The following DGKG variants were observed in gnomAD, a reference collection of about 807,000 sequenced individuals.
DGKG encodes diacylglycerol kinase gamma, also known as DAG kinase gamma.
Under a neutral mutation model 105.3 loss-of-function variants are expected in DGKG, and 78 were observed. The observed-to-expected ratio is 0.74, with a 90% CI of 0.62 to 0.89. The LOEUF (loss-of-function observed/expected upper bound fraction) is 0.89. Among genes scored for constraint, DGKG ranks in the 40% least tolerant of loss-of-function variants. DGKG has a pLI of 0.00. For synonymous variants in DGKG, 346 were observed against 367.1 expected (o/e 0.94, Z 0.66); for missense variants, 958 against 1,020.1 (o/e 0.94, Z 0.83).
chr3:186,166,975 T>C (rs1716578689), intron 22 of DGKG, among the ~76,000 whole-genome samples: 1 of 152,216 alleles, frequency 6.6e-6, no homozygotes, highest in Non-Finnish European at 1.5e-5. Flanking sequence ...CTTTACAATG[T>C]CTTGGTCTTT....
chr3:186,191,782 C>T (rs1489285751), intron 21 of DGKG, among the ~76,000 whole-genome samples: 3 of 152,116 alleles, frequency 2.0e-5, no homozygotes, highest in Admixed American at 6.5e-5. Flanking sequence ...TCTGCCTTTG[C>T]GTGTATGTGT....
At chr3:186,230,195 C>G (rs1225314412) in intron 20 of DGKG, among the ~76,000 whole-genome samples, 1 of 151,992 alleles carries the variant, frequency 6.6e-6, no homozygotes, top group African/African-American at 2.4e-5. Context: ...GAGGTGGAGG[C>G]TGCAGTGAGC....
At chr3:186,194,003 G>A (rs998105165) in intron 21 of DGKG, among the ~76,000 whole-genome samples, 1 of 152,224 alleles carries the variant, frequency 6.6e-6, no homozygotes, top group African/African-American at 2.4e-5. Flanking sequence ...CGTGCTCCTG[G>A]GTGCGCCGGC....
chr3:186,250,578 C>T (rs184775344), intron 19 of DGKG, among the ~76,000 whole-genome samples: 796 of 5,174 alleles, frequency 0.15, 7 homozygotes, highest in African/African-American at 0.19. Flanking sequence ...GAGACAGAGT[C>T]TCGCTCTGTT....
At chr3:186,223,091 A>T (rs973561558) in intron 20 of DGKG, among the ~76,000 whole-genome samples, 10 of 146,636 alleles carry the variant, frequency 6.8e-5, no homozygotes, top group Non-Finnish European at 1.3e-4. Flanking sequence ...TGTATATAAA[A>T]CTGGCTTCGT....
chr3:186,233,844 A>G (rs1172675176), intron 20 of DGKG, among the ~76,000 whole-genome samples: 1 of 152,166 alleles, frequency 6.6e-6, no homozygotes, highest in African/African-American at 2.4e-5. Flanking sequence ...CAGGAAACTC[A>G]CATAATATTA....
intron 21 of DGKG, among the ~76,000 whole-genome samples, chr3:186,193,514 CGGCCTCTTGG>C (rs1452190810): frequency 1.3e-5 from 2 of 152,138 alleles, no homozygotes; most frequent in East Asian, 3.9e-4. Flanking sequence ...GGCATCTTAA[CGGCCTCTTGG>C]CCCGACCCAG....
chr3:186,311,255 T>C (rs2108630522), intron 2 of DGKG, among the ~76,000 whole-genome samples: 1 of 152,326 alleles, frequency 6.6e-6, no homozygotes, highest in South Asian at 2.1e-4. Context: ...CATGATTTTA[T>C]TGTTGTAAAT....
At chr3:186,337,525 G>A (rs1193284787) in intron 1 of DGKG, among the ~76,000 whole-genome samples, 1 of 152,088 alleles carries the variant, frequency 6.6e-6, no homozygotes, top group African/African-American at 2.4e-5. Flanking sequence ...TTTAAATGGT[G>A]AAATACTAGA....
rs200616705 is a variant in DGKG, at chr3:186,268,946, G to A, written c.1000-29C>T. ...CGGGAGGGAAGCGAACGATGCCAGGGAAAATGGCAGAACCATGTCCCCGGG... is the reference window on the plus strand; with the variant it reads ...CGGGAGGGAAGCGAACGATGCCAGGAAAAATGGCAGAACCATGTCCCCGGG... On this transcript the variant is annotated intron_variant, in intron 11 of 24. Coordinates refer to ENST00000265022, the MANE Select transcript of DGKG (RefSeq NM_001346.3). 4.3e-4 allele frequency: 645 copies of A among 1,512,850 alleles called. 3 individuals carry two copies. The highest frequency in any genetic ancestry group is 1.1e-3 in the East Asian group (47 of 44,368). The allele number at this position is 1,512,850 out of a possible 1,614,324, so 93.7% of individuals were successfully genotyped here.
chr3:186,198,646 G>T (rs1451037176), intron 21 of DGKG, among the ~76,000 whole-genome samples: 2 of 152,204 alleles, frequency 1.3e-5, no homozygotes, highest in Non-Finnish European at 2.9e-5. Context: ...AATTTCAAGT[G>T]ACCATGATGA....
At chr3:186,248,484 G>A (rs1437060402) in intron 19 of DGKG, among the ~76,000 whole-genome samples, 1 of 152,164 alleles carries the variant, frequency 6.6e-6, no homozygotes, top group African/African-American at 2.4e-5. Context: ...GCTCTAGTAG[G>A]TTGTCTTCAC....
At chr3:186,272,722 C>G (rs779704722) in intron 10 of DGKG, among the ~76,000 whole-genome samples, 2 of 151,866 alleles carry the variant, frequency 1.3e-5, no homozygotes, top group African/African-American at 4.8e-5. Context: ...AAGGCCAGGG[C>G]TTTTTTTTGT....
chr3:186,271,460 G>A (rs937466882), intron 11 of DGKG, among the ~76,000 whole-genome samples: 17 of 152,126 alleles, frequency 1.1e-4, no homozygotes, highest in African/African-American at 4.1e-4. Flanking sequence ...AGCAGTGAGT[G>A]TGGATCCCAC....
intron 13 of DGKG, 67 bp from the exon 14 acceptor site, chr3:186,265,373 A>T: frequency 2.8e-6 from 4 of 1,439,420 alleles, no homozygotes; most frequent in Non-Finnish European, 3.9e-6. Context: ...AAGAGATCAG[A>T]TGAAAAACAA....
chr3:186,195,644 A>C (rs1393843879), intron 21 of DGKG, among the ~76,000 whole-genome samples: 3 of 152,078 alleles, frequency 2.0e-5, no homozygotes. Flanking sequence ...CCGAGACTGC[A>C]TTTCTGACCC....
intron 20 of DGKG, among the ~76,000 whole-genome samples, chr3:186,230,909 C>T (rs1031340383): frequency 1.2e-4 from 18 of 152,174 alleles, no homozygotes; most frequent in Admixed American, 3.3e-4. Context: ...GTGTGTTTAT[C>T]ATCCTGGATG....
intron 24 of DGKG, among the ~76,000 whole-genome samples, chr3:186,157,546 T>C (rs1403484364): frequency 2.0e-5 from 3 of 152,174 alleles, no homozygotes; most frequent in Admixed American, 6.5e-5. Flanking sequence ...TATTTCCTAG[T>C]AGTATGGAAG....
rs1048120097 is a variant in DGKG, at chr3:186,213,270, G to A, written c.1827-1385C>T. ...ACCGGTGCTTCTCAACCCATGTGCT[G>A]TGGCACAGGCGTACCTGGGATGTCA... On this transcript the variant is annotated intron_variant, in intron 20 of 24. Transcript: ENST00000265022. Among the ~76,000 whole-genome samples, 4 of 152,376 alleles carry A rather than the reference G, an allele frequency of 2.6e-5. No homozygotes were observed. The South Asian group carries it at 8.3e-4, about 32-fold the overall frequency.
Sources: allele counts gnomAD v4.1 joint callset (sites outside exome capture counted in the v4.1 genomes callset), GRCh38; gene constraint gnomAD v4.1.1; transcripts MANE v1.5; gene names NCBI Gene and HGNC (gene_info 2026-07-23, HGNC 2026-07-21).